Variants in VRK2 observed in about 807,000 individuals in gnomAD.
VRK2 encodes serine/threonine-protein kinase VRK2.
In VRK2, 60 loss-of-function variants were observed where a neutral mutation model predicts 57.6. The ratio of observed to expected loss-of-function variants is 1.04; its 90% confidence interval spans 0.85 to 1.29. The LOEUF is 1.29. Among genes scored for constraint, VRK2 ranks in the 50% most tolerant of loss-of-function variants. The pLI is 0.00. For missense variants in VRK2, 705 were observed against 588.1 expected, an observed-to-expected ratio of 1.20 and a Z score of -2.06; for synonymous variants, 231 against 199.2, an observed-to-expected ratio of 1.16 and a Z score of -1.35.
At chr2:57,957,167 A>T (rs1558511960) in intron 1 of VRK2, among the ~76,000 whole-genome samples, 1 of 152,172 alleles carries the variant, frequency 6.6e-6, no homozygotes, top group Non-Finnish European at 1.5e-5. Flanking sequence ...TTGAAGTAGA[A>T]CAAAAGCTAT....
At chr2:58,001,691 G>A (rs115659806) in intron 1 of VRK2, among the ~76,000 whole-genome samples, 16,285 of 151,976 alleles carry the variant, frequency 0.11, 919 homozygotes, top group East Asian at 0.2. Flanking sequence ...GCGTGGTGTC[G>A]CGCACCTATA....
intron 7 of VRK2, among the ~76,000 whole-genome samples, chr2:58,121,463 C>G (rs1353117781): frequency 6.6e-6 from 1 of 152,114 alleles, no homozygotes; most frequent in Non-Finnish European, 1.5e-5. Context: ...CCTGATATGT[C>G]TAGTTAAGTT....
intron 2 of VRK2, among the ~76,000 whole-genome samples, chr2:58,071,704 C>G (rs187423161): frequency 6.6e-6 from 1 of 152,028 alleles, no homozygotes; most frequent in African/African-American, 2.4e-5. Flanking sequence ...TTATAGAAAG[C>G]TTTGAACTTG....
chr2:58,141,797 A>G (rs1405529149), intron 11 of VRK2, among the ~76,000 whole-genome samples: 2 of 151,988 alleles, frequency 1.3e-5, no homozygotes, highest in African/African-American at 4.8e-5. Context: ...ATGACAGTAT[A>G]AACCGTCCTG....
intron 2 of VRK2, chr2:58,058,379 T>G (rs1413027889): frequency 2.1e-6 from 1 of 470,702 alleles, no homozygotes; most frequent in South Asian, 1.6e-5. Flanking sequence ...CTCTCTCCAA[T>G]GCTTAGTGTG....
At chr2:58,125,500 A>G (rs1350640396) in intron 8 of VRK2, among the ~76,000 whole-genome samples, 1 of 152,094 alleles carries the variant, frequency 6.6e-6, no homozygotes, top group African/African-American at 2.4e-5. Context: ...ATGATCACAG[A>G]AAGATGGTGT....
intron 7 of VRK2, among the ~76,000 whole-genome samples, chr2:58,102,314 T>G (rs1219543025): frequency 6.6e-6 from 1 of 151,346 alleles, no homozygotes; most frequent in Admixed American, 6.6e-5. Context: ...CAGAATGGAT[T>G]TTTTTTAAAA....
At position 58,077,927 on chromosome 2, in the gene VRK2, G is replaced by T. The variant is rs371620796; in HGVS notation, c.137-6162G>T. ...GGCAACATAGTTTTGTCATTTCTTG[G>T]ACAGAACTCTTTTTCTTCTCAGGCC... On this transcript the variant is annotated intron_variant, in intron 2 of 12. Transcript: ENST00000340157. Among the ~76,000 whole-genome samples, 5 of 152,106 alleles carry T rather than the reference G, an allele frequency of 3.3e-5. 1 individual carries two copies. The highest frequency in any genetic ancestry group is 1.2e-4 in the African/African-American group (5 of 41,516).
chr2:57,952,115 T>TAG (rs761647842), intron 1 of VRK2, among the ~76,000 whole-genome samples: 1 of 151,484 alleles, frequency 6.6e-6, no homozygotes, highest in East Asian at 1.9e-4. Flanking sequence ...TTTATATTTA[T>TAG]AGAGAGAGAG....
chr2:57,918,215 C>G (rs1439343447), intron 1 of VRK2, among the ~76,000 whole-genome samples: 4 of 152,100 alleles, frequency 2.6e-5, no homozygotes, highest in Non-Finnish European at 1.5e-5. Context: ...ATTCTCCCAG[C>G]TTTATTTTGT....
At chr2:58,151,768 G>A (rs1203236818) in intron 12 of VRK2, among the ~76,000 whole-genome samples, 1 of 13,634 alleles carries the variant, frequency 7.3e-5, no homozygotes, top group Non-Finnish European at 1.5e-4. Context: ...TTTTTTTTTT[G>A]GTGGTCACTC....
intron 1 of VRK2, among the ~76,000 whole-genome samples, chr2:57,977,025 G>A (rs1251359509): frequency 6.6e-6 from 1 of 152,066 alleles, no homozygotes; most frequent in African/African-American, 2.4e-5. Flanking sequence ...GATGGTTTTA[G>A]GAGTGTGGCT....
At chr2:58,064,990 A>G (rs1162655723) in intron 2 of VRK2, among the ~76,000 whole-genome samples, 1 of 151,978 alleles carries the variant, frequency 6.6e-6, no homozygotes, top group East Asian at 1.9e-4. Flanking sequence ...GTTTGTGCTC[A>G]TTTCAAGTCC....
chr2:58,137,204 C>CATATATGATACATATGTATCAT (rs1680562108), intron 10 of VRK2, among the ~76,000 whole-genome samples: 1 of 16,088 alleles, frequency 6.2e-5, no homozygotes, highest in Admixed American at 8.0e-4. Context: ...ATATATATCT[C>CATATATGATACATATGTATCAT]ATATATGATA....
intron 10 of VRK2, among the ~76,000 whole-genome samples, chr2:58,135,736 A>C (rs1679915816): frequency 6.6e-6 from 1 of 152,204 alleles, no homozygotes; most frequent in Non-Finnish European, 1.5e-5. Flanking sequence ...TCATATTTTC[A>C]AGTTAGTATA....
intron 7 of VRK2, among the ~76,000 whole-genome samples, chr2:58,090,613 A>G (rs1013003633): frequency 5.9e-5 from 9 of 152,134 alleles, no homozygotes; most frequent in Non-Finnish European, 1.0e-4. Context: ...TGCTAATGGA[A>G]ATGCAAAATG....
intron 2 of VRK2, among the ~76,000 whole-genome samples, chr2:58,082,288 G>A (rs575435397): frequency 6.6e-6 from 1 of 151,874 alleles, no homozygotes; most frequent in East Asian, 1.9e-4. Flanking sequence ...TTTTTCCAGT[G>A]GTAACATAAT....
chr2:58,053,350 C>A (rs1036331519), intron 2 of VRK2, among the ~76,000 whole-genome samples: 2 of 152,182 alleles, frequency 1.3e-5, no homozygotes, highest in Non-Finnish European at 2.9e-5. Flanking sequence ...AAAATCAGAT[C>A]ATTTATCCAT....
At chr2:58,025,714 A>G (rs1474923512) in exon 2 of VRK2, 1 of 152,232 alleles carries the variant, frequency 6.6e-6, no homozygotes, top group Non-Finnish European at 1.5e-5. Flanking sequence ...CTGTTTTGGA[A>G]TGCTTTCTCT....
Sources: gnomAD v4.1 joint callset for allele counts (sites outside exome capture counted in the v4.1 genomes callset) on GRCh38, gnomAD v4.1.1 for gene constraint, MANE v1.5 for transcripts, NCBI Gene and HGNC (gene_info 2026-07-23, HGNC 2026-07-21) for gene names.